RAB27A: variants seen among roughly 807,000 people sequenced by gnomAD.
The protein encoded by RAB27A is RAB27A, member RAS oncogene family.
A neutral mutation model predicts 20.8 loss-of-function variants in RAB27A; 17 were observed. That is an observed-to-expected ratio of 0.82 (90% CI 0.56 to 1.23). The LOEUF (loss-of-function observed/expected upper bound fraction) is 1.23, where lower values mean the gene tolerates loss of function less well. Ranked by LOEUF, RAB27A falls within the 50% of genes most tolerant of loss-of-function variation. RAB27A has a pLI of 0.00. For missense variants in RAB27A, 277 were observed against 266.7 expected, an observed-to-expected ratio of 1.04 and a Z score of -0.27; for synonymous variants, 85 against 92.8, an observed-to-expected ratio of 0.92 and a Z score of 0.48.
intron 6 of RAB27A, among the ~76,000 whole-genome samples, chr15:55,209,887 T>TATACGGATATAC (rs1894873219): frequency 3.4e-5 from 4 of 117,184 alleles, no homozygotes; most frequent in African/African-American, 1.4e-4. Flanking sequence ...TGTGTGTGTA[T>TATACGGATATAC]ACATATATAC....
chr15:55,208,379 A>G (rs1415036745), intron 6 of RAB27A, among the ~76,000 whole-genome samples: 1 of 152,226 alleles, frequency 6.6e-6, no homozygotes, highest in Non-Finnish European at 1.5e-5. Context: ...AATTGGCATG[A>G]ATCACAAGTA....
rs140640177 is a variant in RAB27A at position 55,228,707 on chromosome 15, C to A, written c.245G>T (p.Arg82Leu). ...TCTGAAGAACGCTGTCGTTAAGCTA[C>A]GAAACCTAGGAACATAAAAGCAGAA... Reference protein sequence around the residue: ...LWDTAGQERFRSLTTAFFRDA... With the variant: ...LWDTAGQERFLSLTTAFFRDA... Residue 82 changes from arginine (R) to leucine (L), a missense_variant, in exon 5 of 7, where the codon CGT becomes CTT. Coordinates refer to ENST00000336787, the MANE Select transcript of RAB27A (RefSeq NM_183235.3). The A allele has an allele frequency of 6.2e-7, 1 of 1,610,856 alleles. No homozygotes were observed. The highest frequency in any genetic ancestry group is 1.3e-5 in the African/African-American group (1 of 74,938).
chr15:55,283,690 C>T (rs1244903163), intron 1 of RAB27A, among the ~76,000 whole-genome samples: 1 of 152,104 alleles, frequency 6.6e-6, no homozygotes, highest in Admixed American at 6.5e-5. Context: ...GATTTCTTAG[C>T]AAGAAACAAA....
At chr15:55,262,735 T>C (rs2141073557) in intron 2 of RAB27A, among the ~76,000 whole-genome samples, 1 of 151,354 alleles carries the variant, frequency 6.6e-6, no homozygotes, top group Admixed American at 6.6e-5. Flanking sequence ...CAGGCTCAGG[T>C]GACTGTCCCG....
chr15:55,212,644 CT>C (rs1189267480), intron 6 of RAB27A, among the ~76,000 whole-genome samples: 3 of 151,992 alleles, frequency 2.0e-5, no homozygotes, highest in Non-Finnish European at 2.9e-5. Flanking sequence ...ATTCTCCTGC[CT>C]CAGCCTCCCA....
intron 2 of RAB27A, among the ~76,000 whole-genome samples, chr15:55,300,024 G>A (rs1020095635): frequency 5.9e-5 from 9 of 151,852 alleles, no homozygotes; most frequent in South Asian, 4.1e-4. Flanking sequence ...GTTTTACCAC[G>A]TTAGCCAGGA....
chr15:55,238,909 A>G (rs1896372712), intron 2 of RAB27A, among the ~76,000 whole-genome samples: 1 of 152,210 alleles, frequency 6.6e-6, no homozygotes, highest in Non-Finnish European at 1.5e-5. Context: ...TAGTTGTTCA[A>G]AAGAATCTGG....
Position 55,247,396 on chromosome 15 carries a change from CAGAT to C in RAB27A, c.-22-12444_-22-12441del, listed in dbSNP as rs545890526. ...AGCACTCAAAAGAAAAAAAAAAAAT[CAGAT>C]AGCACTCAAAGGACTTCACATTGCA... On this transcript the variant is annotated intron_variant, in intron 2 of 6. Coordinates refer to ENST00000336787, the MANE Select transcript of RAB27A (RefSeq NM_183235.3). Among the ~76,000 whole-genome samples the C allele has an allele frequency of 7.7e-4, 117 of 151,680 alleles. No homozygotes were observed. In the Middle Eastern group the frequency reaches 0.017, roughly 22 times the overall value.
rs138950663 is a variant in RAB27A at position 55,206,049 on chromosome 15, A to G, written c.468-344T>C. On this transcript the variant is annotated intron_variant, in intron 6 of 6. Transcript: ENST00000336787. ...AACATGCGGAAACCCCATCTCTACA[A>G]AAAATACAAAAATTAGCCAGGAATG... Among the ~76,000 whole-genome samples, 636 of 151,982 alleles carry G rather than the reference A, an allele frequency of 4.2e-3. 10 individuals carry two copies. The highest frequency in any genetic ancestry group is 0.015 in the African/African-American group (618 of 41,438).
chr15:55,223,625 G>A (rs1000721907), intron 6 of RAB27A, among the ~76,000 whole-genome samples: 4 of 152,088 alleles, frequency 2.6e-5, no homozygotes, highest in African/African-American at 4.8e-5. Flanking sequence ...TACTTAAGGC[G>A]CCTCTGAGAC....
At chr15:55,265,979 T>C (rs542673625) in intron 2 of RAB27A, among the ~76,000 whole-genome samples, 1 of 152,310 alleles carries the variant, frequency 6.6e-6, no homozygotes, top group South Asian at 2.1e-4. Flanking sequence ...ATGTGTGCCT[T>C]AGAAAGATCT....
At chr15:55,306,526 T>TC (rs1426953248) in intron 2 of RAB27A, among the ~76,000 whole-genome samples, 1 of 152,134 alleles carries the variant, frequency 6.6e-6, no homozygotes, top group Admixed American at 6.5e-5. Flanking sequence ...GATCTTGAAC[T>TC]CCACCCCTAT....
intron 2 of RAB27A, among the ~76,000 whole-genome samples, chr15:55,256,833 T>G (rs1284153656): frequency 6.6e-6 from 1 of 152,172 alleles, no homozygotes; most frequent in Non-Finnish European, 1.5e-5. Flanking sequence ...ATGGTCTCTT[T>G]CCAACACAGA....
At chr15:55,212,847 C>T (rs887162123) in intron 6 of RAB27A, among the ~76,000 whole-genome samples, 2 of 152,184 alleles carry the variant, frequency 1.3e-5, no homozygotes, top group Admixed American at 1.3e-4. Context: ...CTTAAGTATA[C>T]ATTTGTTTTG....
At chr15:55,220,579 C>A (rs553677448) in intron 6 of RAB27A, among the ~76,000 whole-genome samples, 27 of 152,230 alleles carry the variant, frequency 1.8e-4, no homozygotes, top group Middle Eastern at 6.8e-3. Context: ...CCCCAGTGAT[C>A]TGTTTTTATG....
intron 2 of RAB27A, chr15:55,237,996 C>A (rs1896329140): frequency 6.6e-6 from 1 of 152,056 alleles, no homozygotes; most frequent in Non-Finnish European, 1.5e-5. Context: ...TACAAATGAT[C>A]TTCGTGAGTT....
At position 55,210,023 on chromosome 15, in the gene RAB27A, CAT is replaced by C. The variant is rs546510862; in HGVS notation, c.468-4320_468-4319del. Among the ~76,000 whole-genome samples, 278 of 135,570 alleles carry C rather than the reference CAT, an allele frequency of 2.1e-3. 1 individual carries two copies. The highest frequency in any genetic ancestry group is 5.4e-3 in the East Asian group (24 of 4,408). The allele number at this position is 135,570 out of a possible 152,430, so 88.9% of individuals were successfully genotyped here. A position where few individuals can be genotyped will look rare whatever the true frequency, so the allele number is the denominator to read the frequency against. ...ATGTGTGTACATGTACATATATACG[CAT>C]ATATATGTGTGTGTACATGTACATA... is the stretch of plus-strand genomic sequence containing the variant. On this transcript the variant is annotated intron_variant, in intron 6 of 6. Transcript: ENST00000336787.
At chr15:55,313,313 G>A (rs181413802) in intron 2 of RAB27A, among the ~76,000 whole-genome samples, 6 of 152,144 alleles carry the variant, frequency 3.9e-5, no homozygotes, top group Admixed American at 3.3e-4. Context: ...TGAGACGAGC[G>A]GAATCACGTG....
rs1898250100 is a variant in RAB27A, at chr15:55,289,437, T to C, written c.-143+279A>G. 2.0e-5 allele frequency: 3 copies of C among 152,352 alleles called. No homozygotes were observed. The South Asian group carries it at 6.2e-4, about 32-fold the overall frequency. 9.4% of individuals were successfully genotyped at this position (152,352 alleles called of 1,614,324 possible). A position where few individuals can be genotyped will look rare whatever the true frequency, so the allele number is the denominator to read the frequency against. ...CTCCTGGAAAGTTTCCTACCCCTGA[T>C]GGGCATCCTCCCACCTGGATGCAAC... On this transcript the variant is annotated intron_variant, in intron 1 of 6. Transcript: ENST00000336787.
Sources: allele counts gnomAD v4.1 joint callset (sites outside exome capture counted in the v4.1 genomes callset), GRCh38; gene constraint gnomAD v4.1.1; transcripts MANE v1.5; gene names NCBI Gene and HGNC (gene_info 2026-07-23, HGNC 2026-07-21).